MCC: variants seen among roughly 807,000 people sequenced by gnomAD.
The protein encoded by MCC is MCC regulator of Wnt signaling pathway.
In MCC, 90 loss-of-function variants were observed where a neutral mutation model predicts 116.2. The ratio of observed to expected loss-of-function variants is 0.77; its 90% CI spans 0.65 to 0.92. The LOEUF (loss-of-function observed/expected upper bound fraction) is 0.92, where lower values mean the gene tolerates loss of function less well. Among genes scored for constraint, MCC ranks in the 40% least tolerant of loss-of-function variants. MCC has a pLI of 0.00. For synonymous variants in MCC, 578 were observed against 510.5 expected (o/e 1.13, Z -1.78); for missense variants, 1,516 against 1,312.2 (o/e 1.16, Z -2.40).
intron 3 of MCC, among the ~76,000 whole-genome samples, chr5:113,285,161 TAC>T (rs1282238568): frequency 6.6e-6 from 1 of 152,146 alleles, no homozygotes; most frequent in Non-Finnish European, 1.5e-5. Flanking sequence ...CAGAAAATGA[TAC>T]AGTTTGAAAG....
intron 1 of MCC, among the ~76,000 whole-genome samples, chr5:113,480,871 C>T (rs777919826): frequency 7.2e-5 from 11 of 152,120 alleles, no homozygotes; most frequent in Non-Finnish European, 1.3e-4. Flanking sequence ...ACCTCCCAGG[C>T]TCAACTGATC....
chr5:113,036,587 A>C (rs1000269523), intron 17 of MCC, among the ~76,000 whole-genome samples: 1 of 152,230 alleles, frequency 6.6e-6, no homozygotes, highest in Non-Finnish European at 1.5e-5. Context: ...GAGTAGCAGC[A>C]CAAGGACAAC....
intron 1 of MCC, among the ~76,000 whole-genome samples, chr5:113,416,485 A>G (rs770094968): frequency 1.3e-5 from 2 of 152,194 alleles, no homozygotes; most frequent in Non-Finnish European, 2.9e-5. Context: ...CTATATATGT[A>G]TTGATATGGA....
In MCC at chr5:113,369,882, C is replaced by T. The variant is rs555606331; in HGVS notation, c.415+15086G>A. On this transcript the variant is annotated intron_variant, in intron 2 of 18. Coordinates refer to ENST00000408903, the MANE Select transcript of MCC (RefSeq NM_001085377.2). ...CCTCCCTCACCCTACTTCTTTCCTT[C>T]AAAATCTCTCTCTTGTCTGTTTCCC... is the stretch of plus-strand genomic sequence containing the variant. 5.3e-5 allele frequency among the ~76,000 whole-genome samples: 8 copies of T among 152,286 alleles called. No individual in the cohort carries two copies. The South Asian group carries it at 1.7e-3, about 32-fold the overall frequency.
chr5:113,109,899 C>T (rs1039852862), intron 6 of MCC, among the ~76,000 whole-genome samples: 2 of 152,320 alleles, frequency 1.3e-5, no homozygotes, highest in East Asian at 3.9e-4. Flanking sequence ...GCCCCCACTG[C>T]CATGCAACTC....
intron 2 of MCC, among the ~76,000 whole-genome samples, chr5:113,341,819 T>G (rs1253817491): frequency 8.4e-6 from 1 of 119,362 alleles, no homozygotes; most frequent in Admixed American, 8.6e-5. Context: ...CTAACATGAT[T>G]AGAAAAGAAA....
At chr5:113,305,183 G>A (rs962510120) in intron 3 of MCC, among the ~76,000 whole-genome samples, 1 of 152,116 alleles carries the variant, frequency 6.6e-6, no homozygotes, top group African/African-American at 2.4e-5. Flanking sequence ...CTATGGTAGG[G>A]ATTTCCTACA....
intron 3 of MCC, among the ~76,000 whole-genome samples, chr5:113,334,062 A>C (rs1767812430): frequency 6.8e-6 from 1 of 147,518 alleles, no homozygotes; most frequent in African/African-American, 2.5e-5. Flanking sequence ...AATAAAGCTA[A>C]TAATACTTTA....
chr5:113,134,960 T>A (rs1439465391), intron 5 of MCC, among the ~76,000 whole-genome samples: 2 of 149,282 alleles, frequency 1.3e-5, no homozygotes, highest in African/African-American at 5.0e-5. Flanking sequence ...TTTTTTTTTT[T>A]AAACAGAGTC....
chr5:113,447,020 C>T (rs1417319421), intron 1 of MCC, among the ~76,000 whole-genome samples: 8 of 152,146 alleles, frequency 5.3e-5, no homozygotes, highest in African/African-American at 1.7e-4. Context: ...ATCTTCCTTT[C>T]CTCATCTCTA....
At chr5:113,442,956 G>T (rs532211335) in intron 1 of MCC, among the ~76,000 whole-genome samples, 2 of 152,224 alleles carry the variant, frequency 1.3e-5, no homozygotes, top group Non-Finnish European at 2.9e-5. Flanking sequence ...TTGTTCTTTT[G>T]GCTTAGGATT....
chr5:113,352,688 AT>A (rs377138135), intron 2 of MCC, among the ~76,000 whole-genome samples: 68,305 of 151,604 alleles, frequency 0.45, 16,753 homozygotes, highest in African/African-American at 0.64. Flanking sequence ...GAAAGGGTTC[AT>A]GAATGCACTC....
chr5:113,442,415 T>C (rs903899702), intron 1 of MCC, among the ~76,000 whole-genome samples: 2 of 152,218 alleles, frequency 1.3e-5, no homozygotes, highest in African/African-American at 2.4e-5. Flanking sequence ...GTCAGATAGA[T>C]AGATTGCAAA....
At chr5:113,146,561 A>AT (rs1759534197) in intron 4 of MCC, among the ~76,000 whole-genome samples, 1 of 152,024 alleles carries the variant, frequency 6.6e-6, no homozygotes, top group African/African-American at 2.4e-5. Context: ...CCCAGAGAGG[A>AT]TAAAAACAGA....
At chr5:113,335,190 G>A (rs542592178) in intron 3 of MCC, among the ~76,000 whole-genome samples, 91 of 151,714 alleles carry the variant, frequency 6.0e-4, no homozygotes, top group South Asian at 3.7e-3. Context: ...GACTGCAGAA[G>A]GAGAAATGAA....
chr5:113,184,497 T>TTTTTTTA (rs1491319610), intron 3 of MCC, among the ~76,000 whole-genome samples: 1 of 117,258 alleles, frequency 8.5e-6, no homozygotes, highest in Non-Finnish European at 1.9e-5. Flanking sequence ...TTTTTTTTTT[T>TTTTTTTA]GGAGACAGAG....
At chr5:113,364,199 C>G (rs1372188992) in intron 2 of MCC, among the ~76,000 whole-genome samples, 1 of 143,324 alleles carries the variant, frequency 7.0e-6, no homozygotes, top group Non-Finnish European at 1.5e-5. Flanking sequence ...TCACTGCACT[C>G]CAGCCTGGGT....
chr5:113,262,011 GGAGA>G (rs1765236040), intron 3 of MCC, among the ~76,000 whole-genome samples: 1 of 151,968 alleles, frequency 6.6e-6, no homozygotes, highest in South Asian at 2.1e-4. Flanking sequence ...ATTAAAAATT[GGAGA>G]GAATGATTAA....
intron 17 of MCC, among the ~76,000 whole-genome samples, chr5:113,036,598 A>G (rs1010004369): frequency 1.3e-5 from 2 of 152,220 alleles, no homozygotes; most frequent in African/African-American, 4.8e-5. Context: ...CAAGGACAAC[A>G]GCAGTCTAAC....
Sources: allele counts gnomAD v4.1 joint callset (sites outside exome capture counted in the v4.1 genomes callset), GRCh38; gene constraint gnomAD v4.1.1; transcripts MANE v1.5; gene names NCBI Gene and HGNC (gene_info 2026-07-23, HGNC 2026-07-21).